Variants in ZNF420 observed in about 807,000 individuals in gnomAD.
The protein encoded by ZNF420 is zinc finger protein 420.
A neutral mutation model predicts 44.7 loss-of-function variants in ZNF420; 31 were observed. The ratio of observed to expected loss-of-function variants is 0.69; its 90% CI spans 0.52 to 0.94. The LOEUF is 0.94. Among genes scored for constraint, ZNF420 ranks in the 40% least tolerant of loss-of-function variants. The pLI, the probability that ZNF420 is intolerant of heterozygous loss-of-function variation, is 0.00. For synonymous variants in ZNF420, 245 were observed against 267.4 expected (o/e 0.92, Z 0.82); for missense variants, 681 against 827.9 (o/e 0.82, Z 2.18).
intron 4 of ZNF420, among the ~76,000 whole-genome samples, chr19:37,118,287 C>G (rs1416732488): frequency 2.0e-5 from 3 of 152,170 alleles, no homozygotes; most frequent in African/African-American, 7.2e-5. Flanking sequence ...AGCAGAAACT[C>G]TACAAGCCAG....
intron 4 of ZNF420, among the ~76,000 whole-genome samples, chr19:37,117,020 T>G (rs1207437663): frequency 6.6e-6 from 1 of 152,192 alleles, no homozygotes; most frequent in Non-Finnish European, 1.5e-5. Flanking sequence ...AGGCTCCACC[T>G]CTGGGGGCAG....
chr19:37,024,971 G>A, intron 1 of ZNF420: 1 of 202,422 alleles, frequency 4.9e-6, no homozygotes, highest in East Asian at 1.2e-4. Flanking sequence ...CACATTCATA[G>A]GGCTTCTCTC....
chr19:37,054,775 C>T (rs1014028275), intron 1 of ZNF420, among the ~76,000 whole-genome samples: 1 of 152,188 alleles, frequency 6.6e-6, no homozygotes, highest in Non-Finnish European at 1.5e-5. Context: ...GGTTGATAAA[C>T]ATTTTCTTGG....
rs1247044373 is a variant in ZNF420, at chr19:37,114,208, G to A, written c.137-12920G>A. Among the ~76,000 whole-genome samples the A allele has an allele frequency of 3.3e-5, 5 of 152,090 alleles. No individual in the cohort carries two copies. The East Asian group carries it at 9.6e-4, about 29-fold the overall frequency. On this transcript the variant is annotated intron_variant, in intron 4 of 4. Coordinates refer to ENST00000337995, the MANE Select transcript of ZNF420 (RefSeq NM_144689.5). Reference sequence around the variant, plus strand: ...TGCACTACCCTGTCCACTAGGTGGTGGTGTAGGATTAAATCTCATAGTGGG... The same window carrying A: ...TGCACTACCCTGTCCACTAGGTGGTAGTGTAGGATTAAATCTCATAGTGGG...
At chr19:37,069,658 A>G (rs1375725208) in intron 1 of ZNF420, among the ~76,000 whole-genome samples, 1 of 152,136 alleles carries the variant, frequency 6.6e-6, no homozygotes, top group African/African-American at 2.4e-5. Context: ...AAAGTGAAAA[A>G]CAGTATTGTC....
At chr19:37,011,657 C>A (rs1003316426) in intron 1 of ZNF420, among the ~76,000 whole-genome samples, 1 of 152,114 alleles carries the variant, frequency 6.6e-6, no homozygotes, top group African/African-American at 2.4e-5. Flanking sequence ...CCCAGGTGTG[C>A]TTTGCTTTTC....
At chr19:37,045,659 G>A (rs1408487627) in intron 1 of ZNF420, among the ~76,000 whole-genome samples, 1 of 152,168 alleles carries the variant, frequency 6.6e-6, no homozygotes, top group African/African-American at 2.4e-5. Context: ...AAAAAGAAAA[G>A]ATCATTATAA....
chr19:37,115,137 C>A, intron 4 of ZNF420: 1 of 175,710 alleles, frequency 5.7e-6, no homozygotes, highest in South Asian at 1.7e-4. Context: ...GACTTGTCCT[C>A]ATTGACCACG....
chr19:37,117,743 T>C (rs972400222), intron 4 of ZNF420, among the ~76,000 whole-genome samples: 4 of 152,068 alleles, frequency 2.6e-5, no homozygotes, highest in Admixed American at 2.0e-4. Flanking sequence ...TATACGTATG[T>C]ATAACTAGAA....
chr19:37,029,435 TAA>T (rs941263184), intron 1 of ZNF420, among the ~76,000 whole-genome samples: 2 of 152,232 alleles, frequency 1.3e-5, no homozygotes, highest in African/African-American at 2.4e-5. Flanking sequence ...ATAAAAATGT[TAA>T]GTAACCTTTT....
intron 4 of ZNF420, among the ~76,000 whole-genome samples, chr19:37,106,567 A>T (rs1282639228): frequency 6.6e-6 from 1 of 152,186 alleles, no homozygotes; most frequent in East Asian, 1.9e-4. Context: ...TTTAGGCCGA[A>T]CACGGTGGCT....
At position 37,090,383 on chromosome 19, in the gene ZNF420, C is replaced by T. The variant is rs78970936; in HGVS notation, c.10-612C>T. 1.7e-3 allele frequency among the ~76,000 whole-genome samples: 154 copies of T among 89,950 alleles called. 1 individual carries two copies. The highest frequency in any genetic ancestry group is 0.015 in the South Asian group (41 of 2,768). 59.0% of individuals were successfully genotyped at this position (89,950 alleles called of 152,430 possible). On this transcript the variant is annotated intron_variant, in intron 3 of 4. Coordinates refer to ENST00000337995, the MANE Select transcript of ZNF420 (RefSeq NM_144689.5). ...ACAGTGGCATGTACTGTGAGTGGCA[C>T]GTACTGTGGTCTCAACTACTCAGGA...
chr19:37,062,620 T>C (rs2146442825), intron 1 of ZNF420, among the ~76,000 whole-genome samples: 1 of 152,338 alleles, frequency 6.6e-6, no homozygotes. Context: ...CCTTAATCAC[T>C]TATGTTTTCC....
chr19:37,068,231 C>T (rs956117055), intron 1 of ZNF420, among the ~76,000 whole-genome samples: 14 of 151,806 alleles, frequency 9.2e-5, no homozygotes, highest in African/African-American at 2.9e-4. Flanking sequence ...TGCATATTAC[C>T]CCAAAGAGTA....
In ZNF420 at chr19:37,127,870, A is replaced by G. The variant is rs1332225791; in HGVS notation, c.879A>G (p.Gln293=). ...ECRKVFTQLS[Q]LILHKRIHTG... ...GGAAGGTCTTTACTCAGCTCTCACA[A>G]CTTATTCTGCATAAGAGAATTCATA... The change falls in exon 5 of 5, where the codon CAA becomes CAG. Residue 293 remains glutamine (Q), a synonymous_variant. Coordinates refer to ENST00000337995, the MANE Select transcript of ZNF420 (RefSeq NM_144689.5). 1.2e-6 allele frequency: 2 copies of G among 1,614,028 alleles called. No individual in the cohort carries two copies. Among genetic ancestry groups the G allele is most frequent in the Non-Finnish European group, 1.7e-6 (2 of 1,179,962 alleles).
chr19:37,036,369 G>A (rs1237343108), intron 1 of ZNF420, among the ~76,000 whole-genome samples: 3 of 152,102 alleles, frequency 2.0e-5, no homozygotes, highest in Non-Finnish European at 4.4e-5. Context: ...TAATTGTCAT[G>A]TATCAATAAA....
upstream of ZNF420, among the ~76,000 whole-genome samples, chr19:37,076,823 G>A (rs1015166265): frequency 1.1e-4 from 16 of 152,184 alleles, 1 homozygote; most frequent in Middle Eastern, 3.4e-3. Context: ...GAATAGTGCC[G>A]CAATAAACAT....
intron 1 of ZNF420, among the ~76,000 whole-genome samples, chr19:37,038,751 G>A (rs965700363): frequency 5.3e-5 from 8 of 152,086 alleles, no homozygotes; most frequent in South Asian, 2.1e-4. Context: ...TTGGGAGTTC[G>A]AGACCAGCCT....
intron 1 of ZNF420, among the ~76,000 whole-genome samples, chr19:37,029,722 C>G (rs945123526): frequency 6.6e-6 from 1 of 152,024 alleles, no homozygotes; most frequent in Non-Finnish European, 1.5e-5. Context: ...GGGGTTTCAT[C>G]ATGTTGGCCA....
Sources: gnomAD v4.1 joint callset for allele counts (sites outside exome capture counted in the v4.1 genomes callset) on GRCh38, gnomAD v4.1.1 for gene constraint, MANE v1.5 for transcripts, NCBI Gene and HGNC (gene_info 2026-07-23, HGNC 2026-07-21) for gene names.